NPIPA1: variants seen among roughly 807,000 people sequenced by gnomAD.
NPIPA1 encodes the protein nuclear pore complex-interacting protein family member A1.
For synonymous variants in NPIPA1, 7 were observed against 88.0 expected (o/e 0.08, Z 5.15); for missense variants, 22 against 232.2 (o/e 0.09, Z 5.88).
intron 2 of NPIPA1, among the ~76,000 whole-genome samples, chr16:14,943,690 A>T (rs1348468027): frequency 1.3e-5 from 2 of 150,340 alleles, no homozygotes; most frequent in Admixed American, 6.7e-5. Flanking sequence ...AAACTGGGCC[A>T]GCTACCTTTC....
chr16:14,938,842 A>C (rs1450344501), intron 1 of NPIPA1, among the ~76,000 whole-genome samples: 1 of 151,562 alleles, frequency 6.6e-6, no homozygotes. Flanking sequence ...GGGTTCAAGC[A>C]ATTGTCCTGC....
In NPIPA1 at chr16:14,942,893, G is replaced by C. The variant is rs1163213645; in HGVS notation, c.192+953G>C. 4.1e-4 allele frequency among the ~76,000 whole-genome samples: 62 copies of C among 151,274 alleles called. 1 individual carries two copies. Among genetic ancestry groups the C allele is most frequent in the African/African-American group, 1.4e-3 (58 of 40,608 alleles). ...TTCATGACAGTAAAAATGTGGTTGT[G>C]TGGGGGCTGAACCTCCTTCTGAACA... On this transcript the variant is annotated intron_variant, in intron 2 of 7. Transcript: ENST00000328085.
intron 2 of NPIPA1, among the ~76,000 whole-genome samples, chr16:14,943,142 A>C (rs1412521188): frequency 1.3e-4 from 19 of 148,996 alleles, no homozygotes; most frequent in Admixed American, 2.0e-4. Context: ...AATTGGAGGA[A>C]GCTTTTTTTT....
intron 4 of NPIPA1, among the ~76,000 whole-genome samples, chr16:14,946,556 G>T (rs1173674352): frequency 2.0e-4 from 29 of 144,742 alleles, no homozygotes; most frequent in Admixed American, 1.2e-3. Context: ...ATAGAGTCTC[G>T]CTCTGTCGCC....
At chr16:14,946,580 T>G (rs1433972663) in intron 4 of NPIPA1, among the ~76,000 whole-genome samples, 11 of 146,930 alleles carry the variant, frequency 7.5e-5, no homozygotes, top group Middle Eastern at 3.4e-3. Context: ...GCTGGAGTGC[T>G]ATGGTGCAAT....
intron 4 of NPIPA1, among the ~76,000 whole-genome samples, chr16:14,947,671 A>G (rs1221049725): frequency 2.0e-5 from 3 of 151,934 alleles, no homozygotes; most frequent in Admixed American, 2.0e-4. Context: ...CTGCCATGTT[A>G]GCAATTTGAT....
intron 1 of NPIPA1, chr16:14,938,459 G>C (rs1965676816): frequency 1.3e-6 from 1 of 768,848 alleles, no homozygotes; most frequent in East Asian, 6.5e-5. Context: ...GCACTTTAGG[G>C]GGCCGAGGTG....
At chr16:14,940,130 G>A (rs547967633) in intron 1 of NPIPA1, among the ~76,000 whole-genome samples, 37 of 109,446 alleles carry the variant, frequency 3.4e-4, no homozygotes, top group East Asian at 1.7e-3. Flanking sequence ...TCCTGATCTC[G>A]CGGTCCACCC....
At chr16:14,950,528 G>A (rs1340916623) in intron 7 of NPIPA1, 1 of 983,972 alleles carries the variant, frequency 1.0e-6, no homozygotes, top group African/African-American at 1.6e-5. Context: ...TTAGTGAAGA[G>A]TGAATGTAAC....
intron 1 of NPIPA1, among the ~76,000 whole-genome samples, chr16:14,940,737 TA>T (rs1157137009): frequency 1.7e-5 from 2 of 116,512 alleles, no homozygotes; most frequent in African/African-American, 6.7e-5. Flanking sequence ...ATAATTACTT[TA>T]TACTTAGCTT....
At chr16:14,945,227 G>GTGT (rs748459839) in intron 2 of NPIPA1, among the ~76,000 whole-genome samples, 2 of 137,748 alleles carry the variant, frequency 1.5e-5, no homozygotes, top group Non-Finnish European at 1.5e-5. Flanking sequence ...ATTCTTGTGT[G>GTGT]GTGTGTGTGT....
Position 14,951,691 on chromosome 16 carries a change from A to T in NPIPA1, c.719A>T (p.Lys240Ile), listed in dbSNP as rs1318584087. 11 of 1,503,944 alleles carry T rather than the reference A, an allele frequency of 7.3e-6. No homozygotes were observed. Among genetic ancestry groups the T allele is most frequent in the African/African-American group, 1.4e-5 (1 of 70,608 alleles). The allele number at this position is 1,503,944 out of a possible 1,614,324, so 93.2% of individuals were successfully genotyped here. ...YWPYLTAETL[K>I]NRMGHQPPPP... ...CCCTACCTCACAGCTGAAACTTTAA[A>T]AAACAGGATGGGCCACCAGCCACCT... The change falls in exon 8 of 8, where the codon AAA becomes ATA. Residue 240 changes from lysine to isoleucine, a missense_variant. By Grantham distance (102) the Lys-to-Ile change is moderately radical (BLOSUM62 -3). Coordinates refer to ENST00000328085, the MANE Select transcript of NPIPA1 (RefSeq NM_006985.4).
chr16:14,945,226 T>G (rs1386243344), intron 2 of NPIPA1, among the ~76,000 whole-genome samples: 1 of 87,356 alleles, frequency 1.1e-5, no homozygotes, highest in Admixed American at 1.4e-4. Context: ...CATTCTTGTG[T>G]GGTGTGTGTG....
At chr16:14,949,474 G>A (rs1965963944) in intron 5 of NPIPA1, 1 of 239,984 alleles carries the variant, frequency 4.2e-6, no homozygotes, top group African/African-American at 3.0e-5. Context: ...CTCAATGAAG[G>A]ATGAATTAGG....
intron 2 of NPIPA1, among the ~76,000 whole-genome samples, chr16:14,944,939 T>A: frequency 6.7e-6 from 1 of 149,068 alleles, no homozygotes; most frequent in Non-Finnish European, 1.5e-5. Flanking sequence ...GAGACAGAGT[T>A]TGAATTTTGT....
chr16:14,944,990 C>T (rs1365145514), intron 2 of NPIPA1, among the ~76,000 whole-genome samples: 1 of 148,284 alleles, frequency 6.7e-6, no homozygotes, highest in Admixed American at 6.9e-5. Flanking sequence ...CAGCTCAACA[C>T]AACCTTTTCC....
chr16:14,946,843 T>A (rs1334305189), intron 4 of NPIPA1, among the ~76,000 whole-genome samples: 2 of 151,964 alleles, frequency 1.3e-5, no homozygotes, highest in Admixed American at 6.6e-5. Flanking sequence ...TACAGGCATA[T>A]GCCACCATGC....
rs748459839 is a variant in NPIPA1 at position 14,945,227 on chromosome 16, G to GTTGTGTGTGTGT, written c.193-347_193-346insTTGTGTGTGTGT. ...TGCCAGCCTCATGTCATTCTTGTGTGGTGTGTGTGTGTGTGTGTGTGTGTG... is the reference window on the plus strand; with the variant it reads ...TGCCAGCCTCATGTCATTCTTGTGTGTTGTGTGTGTGTGTGTGTGTGTGTGTGTGTGTGTGTG... On this transcript the variant is annotated intron_variant, in intron 2 of 7. Transcript: ENST00000328085. Among the ~76,000 whole-genome samples the GTTGTGTGTGTGT allele has an allele frequency of 2.1e-3, 285 of 137,654 alleles. 9 individuals are homozygous for GTTGTGTGTGTGT. The highest frequency in any genetic ancestry group is 8.3e-3 in the East Asian group (33 of 3,996). The allele number at this position is 137,654 out of a possible 152,430, so 90.3% of individuals were successfully genotyped here. A position where few individuals can be genotyped will look rare whatever the true frequency, so the allele number is the denominator to read the frequency against.
chr16:14,947,700 T>G (rs1965925261), intron 4 of NPIPA1, among the ~76,000 whole-genome samples: 1 of 152,192 alleles, frequency 6.6e-6, no homozygotes, highest in South Asian at 2.1e-4. Flanking sequence ...TCATGGGTTT[T>G]ATATTCTGTT....
Sources: allele counts gnomAD v4.1 joint callset (sites outside exome capture counted in the v4.1 genomes callset), GRCh38; gene constraint gnomAD v4.1.1; transcripts MANE v1.5; gene names NCBI Gene and HGNC (gene_info 2026-07-23, HGNC 2026-07-21).